Variants in HYDIN observed in about 807,000 individuals in gnomAD.
The protein encoded by HYDIN is axonemal central pair apparatus protein HYDIN.
A neutral mutation model predicts 403.9 loss-of-function variants in HYDIN; 132 were observed. That is an observed-to-expected ratio of 0.33 (90% CI 0.28 to 0.38). The LOEUF is 0.38. Ranked by LOEUF, HYDIN falls within the 10% of genes least tolerant of loss-of-function variation. The probability of loss-of-function intolerance (pLI) is 1.00; values close to 1 mark genes in which losing one functional copy is unlikely to be tolerated. For synonymous variants in HYDIN, 1,202 were observed against 1,891.7 expected (o/e 0.64, Z 9.46); for missense variants, 2,827 against 5,009.5 (o/e 0.56, Z 13.15).
chr16:71,189,057 C>G (rs1161324440), intron 1 of HYDIN, among the ~76,000 whole-genome samples: 2 of 152,112 alleles, frequency 1.3e-5, no homozygotes, highest in African/African-American at 4.8e-5. Context: ...CTACATTATC[C>G]TTTTTGATTA....
chr16:71,199,650 TC>T (rs1248922544), intron 1 of HYDIN, among the ~76,000 whole-genome samples: 1 of 152,142 alleles, frequency 6.6e-6, no homozygotes, highest in African/African-American at 2.4e-5. Flanking sequence ...CTAGTCACCT[TC>T]AGGAGAGGGG....
chr16:71,208,002 T>A (rs183778084), intron 1 of HYDIN, among the ~76,000 whole-genome samples: 1 of 152,102 alleles, frequency 6.6e-6, no homozygotes, highest in East Asian at 1.9e-4. Context: ...CTGACAGCAT[T>A]AGACAGATAA....
chr16:71,184,892 T>A lies in HYDIN; in HGVS notation c.234A>T (p.Leu78Phe), dbSNP rs768456641. ...TCTGATGTGTTGTTTCCCCCATATC[T>A]AAGAGTTCGATGATCTGTGGTCGGC... ...LMCRPQIIEL[L>F]DMGETTHQKF... Residue 78 changes from leucine (L) to phenylalanine (F), a missense_variant, in exon 3 of 86, where the codon TTA becomes TTT. Coordinates refer to ENST00000393567, the MANE Select transcript of HYDIN (RefSeq NM_001270974.2). The A allele has an allele frequency of 9.3e-5, 149 of 1,609,354 alleles. No homozygotes were observed. The highest frequency in any genetic ancestry group is 1.2e-4 in the Non-Finnish European group (138 of 1,176,860).
chr16:70,887,184 G>C (rs1198030315), intron 58 of HYDIN, among the ~76,000 whole-genome samples: 1 of 152,186 alleles, frequency 6.6e-6, no homozygotes, highest in Admixed American at 6.5e-5. Context: ...GCCTCCGAAA[G>C]ATGTCCACAT....
chr16:70,932,010 A>C (rs2077353839), intron 45 of HYDIN, among the ~76,000 whole-genome samples: 1 of 33,600 alleles, frequency 3.0e-5, no homozygotes, highest in South Asian at 7.7e-4. Flanking sequence ...GACTTGTATC[A>C]AAAAAAAAAA....
chr16:70,902,822 T>TATA (rs1491533720), intron 52 of HYDIN, among the ~76,000 whole-genome samples: 152 of 17,116 alleles, frequency 8.9e-3, no homozygotes, highest in African/African-American at 0.036. Flanking sequence ...TATATATATA[T>TATA]TTTTTTTTTT....
chr16:70,898,875 C>G, intron 53 of HYDIN, among the ~76,000 whole-genome samples: 1 of 151,492 alleles, frequency 6.6e-6, no homozygotes. Context: ...TCCCGAGTAG[C>G]TGGGGTTACA....
At chr16:71,172,451 G>A (rs2086504562) in intron 5 of HYDIN, among the ~76,000 whole-genome samples, 1 of 152,146 alleles carries the variant, frequency 6.6e-6, no homozygotes, top group Non-Finnish European at 1.5e-5. Flanking sequence ...TGATGACACT[G>A]GCTATCACAT....
At chr16:71,045,719 A>G (rs2081430927) in intron 18 of HYDIN, among the ~76,000 whole-genome samples, 1 of 104,152 alleles carries the variant, frequency 9.6e-6, no homozygotes, top group Non-Finnish European at 2.0e-5. Context: ...GCTAGGAAGC[A>G]TCTTTACAAA....
chr16:70,949,192 G>A (rs2077980394), intron 41 of HYDIN, among the ~76,000 whole-genome samples: 1 of 151,400 alleles, frequency 6.6e-6, no homozygotes, highest in Non-Finnish European at 1.5e-5. Flanking sequence ...ATCATTCTCA[G>A]TAAACTATCG....
intron 75 of HYDIN, among the ~76,000 whole-genome samples, chr16:70,840,872 C>G (rs1321472577): frequency 1.3e-5 from 2 of 151,880 alleles, no homozygotes; most frequent in Non-Finnish European, 2.9e-5. Flanking sequence ...ATCATCTGGA[C>G]TCTCAATCAC....
At chr16:71,008,234 C>T (rs2079953148) in intron 23 of HYDIN, among the ~76,000 whole-genome samples, 1 of 151,450 alleles carries the variant, frequency 6.6e-6, no homozygotes, top group African/African-American at 2.4e-5. Flanking sequence ...CAAACTTTAG[C>T]CTCATGCAAT....
chr16:70,813,184 C>T (rs1191435922), intron 84 of HYDIN, among the ~76,000 whole-genome samples: 3 of 152,144 alleles, frequency 2.0e-5, no homozygotes, highest in African/African-American at 7.2e-5. Context: ...AACTCCTGAC[C>T]TTGTGATCCG....
At chr16:71,167,506 T>A (rs113156005) in intron 5 of HYDIN, among the ~76,000 whole-genome samples, 12 of 149,054 alleles carry the variant, frequency 8.1e-5, no homozygotes, top group African/African-American at 1.2e-4. Context: ...TACTCACATA[T>A]CCGCTGCCTT....
chr16:71,191,614 C>CA lies in HYDIN; in HGVS notation c.-23-4697dup, dbSNP rs200050155. Among the ~76,000 whole-genome samples the CA allele has an allele frequency of 8.4e-3, 1,281 of 152,268 alleles. 16 individuals carry two copies. Among genetic ancestry groups the CA allele is most frequent in the African/African-American group, 0.029 (1,217 of 41,546 alleles). On this transcript the variant is annotated intron_variant, in intron 1 of 85. Transcript: ENST00000393567. ...ACAGCAGCCTAGACTCACAACCTTG[C>CA]AAATTCAGTGTCTGCAGCCTCTGCT...
intron 41 of HYDIN, among the ~76,000 whole-genome samples, chr16:70,944,409 T>A (rs977213950): frequency 1.3e-5 from 2 of 152,214 alleles, no homozygotes; most frequent in African/African-American, 4.8e-5. Context: ...GAATAAGGAA[T>A]CATAACAGGG....
chr16:70,909,770 A>C (rs1337350358), intron 47 of HYDIN, among the ~76,000 whole-genome samples: 1 of 136,958 alleles, frequency 7.3e-6, no homozygotes, highest in Non-Finnish European at 1.5e-5. Context: ...ATCTCAGCTC[A>C]CTGCAAGCTC....
At chr16:71,044,938 A>G (rs1360612375) in intron 18 of HYDIN, among the ~76,000 whole-genome samples, 5 of 149,338 alleles carry the variant, frequency 3.3e-5, no homozygotes, top group Non-Finnish European at 6.0e-5. Flanking sequence ...CTGTTGGGGG[A>G]ACTAGAATTT....
chr16:71,002,678 A>AT (rs1352401199), intron 23 of HYDIN, among the ~76,000 whole-genome samples: 44 of 146,228 alleles, frequency 3.0e-4, no homozygotes, highest in African/African-American at 1.1e-3. Context: ...ATTTGGAATT[A>AT]ATTTTTTTTT....
Sources: gnomAD v4.1 joint callset for allele counts (sites outside exome capture counted in the v4.1 genomes callset) on GRCh38, gnomAD v4.1.1 for gene constraint, MANE v1.5 for transcripts, NCBI Gene and HGNC (gene_info 2026-07-23, HGNC 2026-07-21) for gene names.